PPARGC1A: variants seen among roughly 807,000 people sequenced by gnomAD.
PPARGC1A encodes the protein peroxisome proliferator-activated receptor gamma coactivator 1-alpha.
A neutral mutation model predicts 88.7 loss-of-function variants in PPARGC1A; 25 were observed. The ratio of observed to expected loss-of-function variants is 0.28; its 90% CI spans 0.21 to 0.39. The LOEUF is 0.39. PPARGC1A is among the 10% of genes least tolerant of loss of function. The pLI is 1.00. For missense variants in PPARGC1A, 880 were observed against 968.7 expected (o/e 0.91, Z 1.22); for synonymous variants, 363 against 355.6 (o/e 1.02, Z -0.24).
chr4:24,303,251 T>C, the PPARGC1A span, among the ~76,000 whole-genome samples: 4 of 152,078 alleles, frequency 2.6e-5, no homozygotes, highest in Non-Finnish European at 4.4e-5. Context: ...CAGAAATTAG[T>C]TGCAAAGTAA....
At chr4:24,351,094 G>A in the PPARGC1A span, among the ~76,000 whole-genome samples, 11 of 152,144 alleles carry the variant, frequency 7.2e-5, no homozygotes, top group South Asian at 2.1e-4. Context: ...AGCTGGGAGC[G>A]GTGGCTCATG....
At chr4:24,270,422 AG>A in the PPARGC1A span, among the ~76,000 whole-genome samples, 9 of 152,306 alleles carry the variant, frequency 5.9e-5, no homozygotes, top group East Asian at 1.7e-3. Context: ...ATACTTAAAA[AG>A]AACCAGCATA....
At chr4:24,378,110 G>T in the PPARGC1A span, among the ~76,000 whole-genome samples, 1 of 152,182 alleles carries the variant, frequency 6.6e-6, no homozygotes, top group Admixed American at 6.5e-5. Flanking sequence ...GCTGAGGTGG[G>T]TAGATCACCT....
chr4:24,219,044 T>G, the PPARGC1A span, among the ~76,000 whole-genome samples: 1 of 152,206 alleles, frequency 6.6e-6, no homozygotes, highest in East Asian at 1.9e-4. Flanking sequence ...TGTAGTGCTA[T>G]TTGTGTGGGA....
the PPARGC1A span, among the ~76,000 whole-genome samples, chr4:24,430,592 A>G: frequency 1.3e-5 from 2 of 152,086 alleles, no homozygotes; most frequent in Non-Finnish European, 2.9e-5. Context: ...CTCATGAGCA[A>G]CAAATCAGTT....
the PPARGC1A span, among the ~76,000 whole-genome samples, chr4:24,302,801 A>C: frequency 1.4e-4 from 21 of 152,354 alleles, no homozygotes; most frequent in East Asian, 3.9e-3. Context: ...CAAGGGGTCC[A>C]AGGAATAAGG....
At position 23,813,003 on chromosome 4, in the gene PPARGC1A, A is replaced by G. The variant is rs1376801487; in HGVS notation, c.1898+18T>C. 34 of 1,613,158 alleles carry G rather than the reference A, an allele frequency of 2.1e-5. No homozygotes were observed. Among genetic ancestry groups the G allele is most frequent in the Non-Finnish European group, 2.9e-5 (34 of 1,179,338 alleles). ...GAGGGGATAAAGGGAGCTAAAGGAAAATGACATGCCTCATTACCTGGGCCG... is the reference window on the plus strand; with the variant it reads ...GAGGGGATAAAGGGAGCTAAAGGAAGATGACATGCCTCATTACCTGGGCCG... On this transcript the variant is annotated intron_variant, in intron 9 of 12. Coordinates refer to ENST00000264867, the MANE Select transcript of PPARGC1A (RefSeq NM_013261.5).
the PPARGC1A span, among the ~76,000 whole-genome samples, chr4:24,209,842 T>A: frequency 6.6e-6 from 1 of 152,224 alleles, no homozygotes; most frequent in Non-Finnish European, 1.5e-5. Context: ...TGGAGGTATA[T>A]GCTCAGAAAA....
chr4:24,221,860 A>G, the PPARGC1A span, among the ~76,000 whole-genome samples: 1 of 152,222 alleles, frequency 6.6e-6, no homozygotes, highest in African/African-American at 2.4e-5. Context: ...GTTTGTTCCA[A>G]TAACAGTAAG....
chr4:24,126,267 C>CCACACACACACACACACACACA, the PPARGC1A span, among the ~76,000 whole-genome samples: 15 of 146,542 alleles, frequency 1.0e-4, no homozygotes, highest in South Asian at 2.2e-4. Context: ...TGGCTTCTCA[C>CCACACACACACACACACACACA]CACACACACA....
the PPARGC1A span, among the ~76,000 whole-genome samples, chr4:24,387,800 G>GAAAA: frequency 9.3e-6 from 1 of 107,282 alleles, no homozygotes; most frequent in Non-Finnish European, 2.0e-5. Flanking sequence ...AAGAAAGAAA[G>GAAAA]AAAGAAAGAA....
chr4:24,012,615 T>C, the PPARGC1A span, among the ~76,000 whole-genome samples: 28 of 152,102 alleles, frequency 1.8e-4, no homozygotes, highest in Admixed American at 3.3e-4. Context: ...CGTGGCTTAC[T>C]CATCAGCCTC....
chr4:24,368,741 A>G, the PPARGC1A span, among the ~76,000 whole-genome samples: 1 of 152,206 alleles, frequency 6.6e-6, no homozygotes, highest in Non-Finnish European at 1.5e-5. Context: ...TAAGTGCTAC[A>G]CTAAAGGGAG....
At chr4:24,466,952 A>AAAAG in the PPARGC1A span, among the ~76,000 whole-genome samples, 53 of 133,712 alleles carry the variant, frequency 4.0e-4, no homozygotes, top group Non-Finnish European at 4.4e-4. Flanking sequence ...GAAAAAGAAA[A>AAAAG]AAAGAAAGAA....
chr4:24,086,070 A>T, the PPARGC1A span, among the ~76,000 whole-genome samples: 3 of 152,164 alleles, frequency 2.0e-5, no homozygotes, highest in Non-Finnish European at 4.4e-5. Flanking sequence ...ACTATTCCTG[A>T]AATTATTACC....
intron 2 of PPARGC1A, among the ~76,000 whole-genome samples, chr4:23,851,948 G>A (rs1577511684): frequency 6.6e-6 from 1 of 152,140 alleles, no homozygotes; most frequent in South Asian, 2.1e-4. Flanking sequence ...GAAGTTTAGG[G>A]TATAGCTTAA....
chr4:24,174,724 T>C, the PPARGC1A span, among the ~76,000 whole-genome samples: 2 of 152,156 alleles, frequency 1.3e-5, no homozygotes, highest in Non-Finnish European at 2.9e-5. Flanking sequence ...CATTTTTCCA[T>C]GATCTCATGG....
At chr4:23,951,538 A>T in the PPARGC1A span, among the ~76,000 whole-genome samples, 1 of 152,174 alleles carries the variant, frequency 6.6e-6, no homozygotes, top group Admixed American at 6.5e-5. Context: ...AATGTGTTCC[A>T]GTTTGTAAAA....
At chr4:23,940,417 G>A in the PPARGC1A span, among the ~76,000 whole-genome samples, 1 of 152,318 alleles carries the variant, frequency 6.6e-6, no homozygotes, top group East Asian at 1.9e-4. Context: ...TAAAAGATGA[G>A]TTGGAATTTC....
Sources: allele counts gnomAD v4.1 joint callset (sites outside exome capture counted in the v4.1 genomes callset), GRCh38; gene constraint gnomAD v4.1.1; transcripts MANE v1.5; gene names NCBI Gene and HGNC (gene_info 2026-07-23, HGNC 2026-07-21).